The following DMD variants were observed in gnomAD, a reference collection of about 807,000 sequenced individuals.
DMD encodes mutant dystrophin.
In DMD, 63 loss-of-function variants were observed where a neutral mutation model predicts 330.1. The ratio of observed to expected loss-of-function variants is 0.19; its 90% CI spans 0.16 to 0.24. The LOEUF (loss-of-function observed/expected upper bound fraction) is 0.24. Among genes scored for constraint, DMD ranks in the 10% least tolerant of loss-of-function variants. The pLI is 1.00. For synonymous variants in DMD, 1,223 were observed against 959.8 expected (o/e 1.27, Z -5.07); for missense variants, 3,344 against 2,684.1 (o/e 1.25, Z -5.43).
chrX:32,379,128 T>TATATA (rs1455683233), intron 34 of DMD, among the ~76,000 whole-genome samples: 2 of 110,321 alleles, frequency 1.8e-5, no homozygotes, highest in South Asian at 3.8e-4. Flanking sequence ...CATTAACAGC[T>TATATA]TAGTGTTTGA....
At chrX:32,152,242 A>G (rs981131792) in intron 44 of DMD, among the ~76,000 whole-genome samples, 1 of 111,799 alleles carries the variant, frequency 8.9e-6, no homozygotes, top group Non-Finnish European at 1.9e-5. Context: ...AAAGTAGACA[A>G]CTGTCGGAAA....
intron 1 of DMD, among the ~76,000 whole-genome samples, chrX:33,062,661 G>A (rs999415348): frequency 2.7e-5 from 3 of 111,220 alleles, no homozygotes; most frequent in African/African-American, 9.8e-5. Flanking sequence ...ATTTTTAGTA[G>A]AGATGGGGTT....
chrX:32,415,084 C>T (rs2098161233), intron 29 of DMD, among the ~76,000 whole-genome samples: 1 of 111,847 alleles, frequency 8.9e-6, no homozygotes, highest in Admixed American at 9.5e-5. Context: ...CTTCCAATCA[C>T]AGCGTGTAAT....
rs1218135217 is a variant in DMD at position 32,201,467 on chromosome X, ACAC to A, written c.6438+15446_6438+15448del. The stretch of plus-strand genomic sequence containing the variant: ...TGAGACTATTTATATGCAAATTCAA[ACAC>A]CCCCCCCCCCCCCAACAAGGAGGCC... On this transcript the variant is annotated intron_variant, in intron 44 of 78. Coordinates refer to ENST00000357033, the MANE Select transcript of DMD (RefSeq NM_004006.3). 1.9e-4 allele frequency among the ~76,000 whole-genome samples: 11 copies of A among 56,899 alleles called. No homozygotes were observed. In the South Asian group the frequency reaches 5.4e-3, roughly 28 times the overall value. The allele number at this position is 56,899 out of a possible 115,157, so 49.4% of individuals were successfully genotyped here. A position where few individuals can be genotyped will look rare whatever the true frequency, so the allele number is the denominator to read the frequency against.
chrX:31,512,019 T>C (rs1470961401), intron 55 of DMD, among the ~76,000 whole-genome samples: 4 of 110,038 alleles, frequency 3.6e-5, no homozygotes, highest in Non-Finnish European at 7.6e-5. Context: ...TTTAAATGAT[T>C]GCCATTCTAA....
At chrX:32,736,418 A>T in intron 7 of DMD, among the ~76,000 whole-genome samples, 1 of 111,240 alleles carries the variant, frequency 9.0e-6, no homozygotes, top group Middle Eastern at 4.6e-3. Flanking sequence ...GTTACTGGGT[A>T]TATACCCATA....
intron 64 of DMD, among the ~76,000 whole-genome samples, chrX:31,220,186 C>T (rs1384400669): frequency 9.0e-6 from 1 of 111,392 alleles, no homozygotes; most frequent in East Asian, 2.8e-4. Context: ...AGAACATATC[C>T]CCATTGTTAA....
chrX:32,884,666 C>CT lies in DMD; in HGVS notation c.94-34847dup, dbSNP rs2084350506. Among the ~76,000 whole-genome samples the CT allele has an allele frequency of 5.4e-5, 6 of 111,703 alleles. No homozygotes were observed. In the South Asian group the frequency reaches 2.3e-3, roughly 42 times the overall value. On this transcript the variant is annotated intron_variant, in intron 2 of 78. Transcript: ENST00000357033. Reference sequence around the variant, plus strand: ...AAGCTATGCTCCACTCTACGCAACTCTAAGTTTCATCAATACACTGGAACT... The same window carrying CT: ...AAGCTATGCTCCACTCTACGCAACTCTTAAGTTTCATCAATACACTGGAACT...
intron 62 of DMD, among the ~76,000 whole-genome samples, chrX:31,282,226 T>A (rs997222322): frequency 1.6e-4 from 18 of 112,261 alleles, no homozygotes; most frequent in African/African-American, 5.5e-4. Flanking sequence ...TAACTAGAGC[T>A]AAATAATAGG....
intron 32 of DMD, among the ~76,000 whole-genome samples, chrX:32,387,248 ACCAACACCACT>A (rs1325621341): frequency 1.8e-5 from 2 of 110,982 alleles, no homozygotes; most frequent in East Asian, 2.8e-4. Flanking sequence ...CAATTATACC[ACCAACACCACT>A]CCAACACCAC....
rs2054112864 is a variant in DMD at position 33,327,935 on chromosome X, TTAAAAA to T, written c.7+11318_7+11323del. On this transcript the variant is annotated intron_variant, in intron 1 of 17. Coordinates refer to the DMD transcript ENST00000288447. ...TAACGCATGAACTGCACCTAGCATG[TTAAAAA>T]TAAATAGTAAATATTAATGTACTAG... Among the ~76,000 whole-genome samples the T allele has an allele frequency of 2.7e-5, 3 of 112,114 alleles. No homozygotes were observed. The Admixed American group carries it at 2.9e-4, about 11-fold the overall frequency.
At chrX:32,340,894 T>C (rs184677301) in intron 41 of DMD, among the ~76,000 whole-genome samples, 1 of 111,747 alleles carries the variant, frequency 8.9e-6, no homozygotes, top group South Asian at 3.7e-4. Flanking sequence ...ATTTCTCGTA[T>C]TCTTCCAATT....
chrX:33,161,543 C>T (rs949875449), intron 1 of DMD, among the ~76,000 whole-genome samples: 3 of 111,431 alleles, frequency 2.7e-5, no homozygotes, highest in African/African-American at 6.5e-5. Flanking sequence ...ACCAAATTTA[C>T]GTGACTAATG....
intron 44 of DMD, among the ~76,000 whole-genome samples, chrX:31,991,853 T>C (rs1440440100): frequency 9.0e-6 from 1 of 111,579 alleles, no homozygotes; most frequent in Non-Finnish European, 1.9e-5. Flanking sequence ...TACATTATTG[T>C]TGATTTTGAA....
chrX:32,478,448 T>G (rs2041473369), intron 21 of DMD, among the ~76,000 whole-genome samples: 2 of 111,437 alleles, frequency 1.8e-5, no homozygotes, highest in African/African-American at 6.5e-5. Context: ...ACATAGACCA[T>G]GACAAAAGTA....
At chrX:32,573,053 G>A (rs1290552140) in intron 15 of DMD, among the ~76,000 whole-genome samples, 1 of 111,460 alleles carries the variant, frequency 9.0e-6, no homozygotes, top group African/African-American at 3.3e-5. Flanking sequence ...TGTACAGCCT[G>A]CAGAACCATG....
rs201726364 is a variant in DMD at position 32,836,029 on chromosome X, C to CA, written c.264+8753dup. On this transcript the variant is annotated intron_variant, in intron 4 of 78. Transcript: ENST00000357033. ...TGTGGACAAACTTATCACTGGTATTCAAAAAAAAATTTTTTTTTTTGGAGA... is the reference window on the plus strand; with the variant it reads ...TGTGGACAAACTTATCACTGGTATTCAAAAAAAAAATTTTTTTTTTTGGAGA... Among the ~76,000 whole-genome samples, 7 of 106,402 alleles carry CA rather than the reference C, an allele frequency of 6.6e-5. No homozygotes were observed. In the East Asian group the frequency reaches 8.8e-4, roughly 13 times the overall value. 92.4% of individuals were successfully genotyped at this position (106,402 alleles called of 115,157 possible).
At chrX:32,091,512 A>T (rs2096474714) in intron 44 of DMD, among the ~76,000 whole-genome samples, 1 of 105,247 alleles carries the variant, frequency 9.5e-6, no homozygotes, top group African/African-American at 3.4e-5. Flanking sequence ...TGCTACAGCT[A>T]TTTTTTTTTT....
chrX:31,832,156 C>T (rs1173690333), intron 49 of DMD, among the ~76,000 whole-genome samples: 1 of 111,865 alleles, frequency 8.9e-6, no homozygotes, highest in Admixed American at 9.5e-5. Context: ...AGATTGTACG[C>T]ATGGCAGATG....
Sources: allele counts gnomAD v4.1 joint callset (sites outside exome capture counted in the v4.1 genomes callset), GRCh38; gene constraint gnomAD v4.1.1; transcripts MANE v1.5; gene names NCBI Gene and HGNC (gene_info 2026-07-23, HGNC 2026-07-21).